ADGRB2: variants seen among roughly 807,000 people sequenced by gnomAD.
The protein encoded by ADGRB2 is adhesion G protein-coupled receptor B2, also known as brain-specific angiogenesis inhibitor 2.
In ADGRB2, 47 loss-of-function variants were observed where a neutral mutation model predicts 178.7. The observed-to-expected ratio is 0.26, with a 90% CI of 0.21 to 0.34. The LOEUF is 0.34. ADGRB2 is among the 10% of genes least tolerant of loss of function. ADGRB2 has a pLI of 1.00. For missense variants in ADGRB2, 1,584 were observed against 2,180.8 expected (o/e 0.73, Z 5.45); for synonymous variants, 870 against 912.4 (o/e 0.95, Z 0.84).
chr1:31,751,540 A>T (rs1375796080), intron 4 of ADGRB2, among the ~76,000 whole-genome samples: 1 of 152,208 alleles, frequency 6.6e-6, no homozygotes. Context: ...ATGTGTGCTA[A>T]TTCCTCTCTC....
chr1:31,728,188 C>T lies in ADGRB2; in HGVS notation c.4509G>A (p.Thr1503=), dbSNP rs1029873694. 30 of 1,614,030 alleles carry T rather than the reference C, an allele frequency of 1.9e-5. No homozygotes were observed. Among genetic ancestry groups the T allele is most frequent in the Non-Finnish European group, 2.5e-5 (29 of 1,180,018 alleles). ...HTFDRYRSQS[T]AKREKRWSVS... ...CCACGGGAGGAGCCCTCACCTTGGC[C>T]GTGGACTGGCTGCGGTAGCGGTCGA... Residue 1503 remains threonine, a synonymous_variant, in exon 31 of 33, where the codon ACG becomes ACA. Coordinates refer to ENST00000373658, the MANE Select transcript of ADGRB2 (RefSeq NM_001364857.2). The surrounding 1 kb of genome is among the most constrained non-coding windows in gnomAD (Gnocchi z 6.7).
intron 1 of ADGRB2, among the ~76,000 whole-genome samples, chr1:31,760,210 G>C (rs1339987715): frequency 6.6e-6 from 1 of 152,186 alleles, no homozygotes; most frequent in Non-Finnish European, 1.5e-5. Flanking sequence ...TCCTGGGCCA[G>C]AGGTGGCTGA....
intron 4 of ADGRB2, among the ~76,000 whole-genome samples, chr1:31,752,058 G>C (rs1368962120): frequency 6.6e-6 from 1 of 152,136 alleles, no homozygotes; most frequent in Non-Finnish European, 1.5e-5. Flanking sequence ...GCTAGTCAGT[G>C]GTAAGGTCCA....
At position 31,764,065 on chromosome 1, in the gene ADGRB2, CG is replaced by C. The variant is rs1647130852; in HGVS notation, c.-373del. On this transcript the variant is annotated 5_prime_UTR_variant, in exon 1 of 33. Transcript: ENST00000373658. This position sits in a 1 kb window ranked among gnomAD's most constrained non-coding sequence, Gnocchi z 7.3. ...GCAGAAAAGGCGCCGCGGAGCAGCG[CG>C]GGGCGGGCGGGCGGGCGGCGCCGGG... 3.6e-5 allele frequency: 3 copies of C among 83,072 alleles called. No individual in the cohort carries two copies. Among genetic ancestry groups the C allele is most frequent in the Non-Finnish European group, 4.5e-5 (2 of 44,204 alleles). 5.1% of individuals were successfully genotyped at this position (83,072 alleles called of 1,614,324 possible).
chr1:31,733,199 T>C lies in ADGRB2; in HGVS notation c.3453-56A>G. On this transcript the variant is annotated intron_variant, in intron 25 of 32. Coordinates refer to ENST00000373658, the MANE Select transcript of ADGRB2 (RefSeq NM_001364857.2). The surrounding 1 kb of genome is among the most constrained non-coding windows in gnomAD (Gnocchi z 4.3). ...TGACACTCCGGGGGACAGGATGGCT[T>C]GAGCCTAGGCCTCCACTCAGCTGGA... 6.5e-7 allele frequency: 1 copy of C among 1,529,476 alleles called. No individual in the cohort carries two copies. Among genetic ancestry groups the C allele is most frequent in the Non-Finnish European group, 8.8e-7 (1 of 1,134,448 alleles). The allele number at this position is 1,529,476 out of a possible 1,614,324, so 94.7% of individuals were successfully genotyped here.
chr1:31,745,769 A>T (rs1263816267), intron 4 of ADGRB2, among the ~76,000 whole-genome samples: 1 of 152,286 alleles, frequency 6.6e-6, no homozygotes, highest in African/African-American at 2.4e-5. Flanking sequence ...AGGCACGCTG[A>T]GTGTGAAGGG....
chr1:31,739,115 G>A (rs1238211269), intron 15 of ADGRB2, 178 bp from the exon 16 acceptor site: 1 of 845,658 alleles, frequency 1.2e-6, no homozygotes, highest in East Asian at 2.7e-5. Flanking sequence ...CTCACCCGCT[G>A]GGTGGCAGCC....
Position 31,741,406 on chromosome 1 carries a change from G to A in ADGRB2, c.1761C>T (p.Cys587=), listed in dbSNP as rs1008314480. The change falls in exon 11 of 33, where the codon TGC becomes TGT. Residue 587 remains cysteine (C), a synonymous_variant. Transcript: ENST00000373658. This position sits in a 1 kb window ranked among gnomAD's most constrained non-coding sequence, Gnocchi z 6.5. The stretch of plus-strand genomic sequence containing the variant: ...ACAGGTAGCGGTACTCATGGGAGAT[G>A]CAGCGAGCAAAGCTGGGCAGCCCCC... ...AYWGLPSFAR[C]ISHEYRYLYL... is the part of the protein sequence containing the mutation. 6.2e-7 allele frequency: 1 copy of A among 1,607,098 alleles called. No homozygotes were observed. The highest frequency in any genetic ancestry group is 2.2e-5 in the East Asian group (1 of 44,652).
In ADGRB2 at chr1:31,740,533, C is replaced by T. The variant is rs759020013; in HGVS notation, c.1803G>A (p.Glu601=). 3.1e-5 allele frequency: 49 copies of T among 1,603,114 alleles called. No individual in the cohort carries two copies. In the Admixed American group the frequency reaches 8.3e-4, roughly 27 times the overall value. ...GCATGCGCTGCCCCTTGGCCAGGTGCTCCCTAAGCTGTAGGTGATGAGGGG... is the reference window on the plus strand; with the variant it reads ...GCATGCGCTGCCCCTTGGCCAGGTGTTCCCTAAGCTGTAGGTGATGAGGGG... The part of the protein sequence containing the change: ...EYRYLYLSLR[E]HLAKGQRMLA... The change falls in exon 12 of 33, where the codon GAG becomes GAA. Residue 601 remains glutamate, a synonymous_variant. Transcript: ENST00000373658. The surrounding 1 kb of genome is among the most constrained non-coding windows in gnomAD (Gnocchi z 5.9).
chr1:31,734,074 C>T (rs2148904369), intron 25 of ADGRB2, among the ~76,000 whole-genome samples: 1 of 152,288 alleles, frequency 6.6e-6, no homozygotes, highest in Middle Eastern at 3.4e-3. Flanking sequence ...GGGCCAAGAC[C>T]TGCCCTAGGA....
rs927379350 is a variant in ADGRB2, at chr1:31,757,133, T to C, written c.21+68A>G. On this transcript the variant is annotated intron_variant, in intron 3 of 32. Coordinates refer to ENST00000373658, the MANE Select transcript of ADGRB2 (RefSeq NM_001364857.2). ...AGTAGTTGTTGTTGCCATCGTTCTG[T>C]TTCCTCAGAGTCAGCCCATCAACTA... is the stretch of plus-strand genomic sequence containing the variant. The C allele has an allele frequency of 8.1e-6, 13 of 1,612,484 alleles. No homozygotes were observed. The South Asian group carries it at 9.9e-5, about 12-fold the overall frequency.
At position 31,740,212 on chromosome 1, in the gene ADGRB2, AG is replaced by A; in HGVS notation, c.1990-35del. 1 of 1,613,290 alleles carries A rather than the reference AG, an allele frequency of 6.2e-7. No homozygotes were observed. Among genetic ancestry groups the A allele is most frequent in the Non-Finnish European group, 8.5e-7 (1 of 1,179,566 alleles). On this transcript the variant is annotated intron_variant, in intron 12 of 32. Coordinates refer to ENST00000373658, the MANE Select transcript of ADGRB2 (RefSeq NM_001364857.2). The surrounding 1 kb of genome is among the most constrained non-coding windows in gnomAD (Gnocchi z 5.9). The stretch of plus-strand genomic sequence containing the variant: ...AGAGCAATGAGTGGCAGGGGGTCCT[AG>A]CCCCAGGGAACAGGGGGCTTCCCCC...
At position 31,756,928 on chromosome 1, in the gene ADGRB2, G is replaced by T; in HGVS notation, c.22-113C>A. The T allele has an allele frequency of 1.7e-6, 2 of 1,186,936 alleles. No individual in the cohort carries two copies. Among genetic ancestry groups the T allele is most frequent in the Non-Finnish European group, 2.3e-6 (2 of 861,428 alleles). The allele number at this position is 1,186,936 out of a possible 1,614,324, so 73.5% of individuals were successfully genotyped here. A position where few individuals can be genotyped will look rare whatever the true frequency, so the allele number is the denominator to read the frequency against. ...ATAAGTTAAGACCCTGGTCTTTGAAGTGTCACCTGGGTCCACCTGTGTGAA... is the reference window on the plus strand; with the variant it reads ...ATAAGTTAAGACCCTGGTCTTTGAATTGTCACCTGGGTCCACCTGTGTGAA... On this transcript the variant is annotated intron_variant, in intron 3 of 32. Transcript: ENST00000373658. This position sits in a 1 kb window ranked among gnomAD's most constrained non-coding sequence, Gnocchi z 8.5.
rs570323772 is a variant in ADGRB2 at position 31,735,464 on chromosome 1, A to T, written c.3353+116T>A. The T allele has an allele frequency of 3.6e-6, 5 of 1,390,080 alleles. No homozygotes were observed. In the East Asian group the frequency reaches 7.4e-5, roughly 21 times the overall value. The allele number at this position is 1,390,080 out of a possible 1,614,324, so 86.1% of individuals were successfully genotyped here. ...CCCACCTTGCCTGCAACCTTGATGCACCAAGGTTGGGGAGCCCCGGTCGCA... is the reference window on the plus strand; with the variant it reads ...CCCACCTTGCCTGCAACCTTGATGCTCCAAGGTTGGGGAGCCCCGGTCGCA... On this transcript the variant is annotated intron_variant, in intron 24 of 32. Coordinates refer to ENST00000373658, the MANE Select transcript of ADGRB2 (RefSeq NM_001364857.2). This position sits in a 1 kb window ranked among gnomAD's most constrained non-coding sequence, Gnocchi z 6.0.
chr1:31,736,334 C>A lies in ADGRB2; in HGVS notation c.3187G>T (p.Gly1063Cys). The change falls in exon 22 of 33, where the codon GGT (glycine) becomes TGT (cysteine). Residue 1063 changes from glycine (G) to cysteine (C), a missense_variant. By Grantham distance (159) the Gly-to-Cys change is radical. Transcript: ENST00000373658. ...SVGFTRTKGY[G>C]TSSYCWLSLE... ...AGGCCCACGTACTAGCTGGATGTAC[C>A]GTATCCTTTCGTTCGGGTAAAGCCA... The A allele has an allele frequency of 6.2e-7, 1 of 1,614,030 alleles. No homozygotes were observed. The highest frequency in any genetic ancestry group is 8.5e-7 in the Non-Finnish European group (1 of 1,179,982).
intron 25 of ADGRB2, among the ~76,000 whole-genome samples, chr1:31,734,298 T>G (rs1230680178): frequency 6.6e-6 from 1 of 152,240 alleles, no homozygotes; most frequent in Admixed American, 6.5e-5. Context: ...CATGGGATTA[T>G]TATCCCAATT....
Position 31,741,768 on chromosome 1 carries a change from G to A in ADGRB2, c.1585+32C>T. ...AGGTTCAGCTGGGTCCACACATGGG[G>A]CCCCCAGCCCCCAGGGTCATTAGGG... On this transcript the variant is annotated intron_variant, in intron 9 of 32. Transcript: ENST00000373658. This position sits in a 1 kb window ranked among gnomAD's most constrained non-coding sequence, Gnocchi z 6.5. 1.3e-6 allele frequency: 2 copies of A among 1,597,876 alleles called. No individual in the cohort carries two copies. Among genetic ancestry groups the A allele is most frequent in the Non-Finnish European group, 1.7e-6 (2 of 1,168,876 alleles).
At chr1:31,737,085 C>G (rs572195555) in intron 20 of ADGRB2, among the ~76,000 whole-genome samples, 4 of 152,340 alleles carry the variant, frequency 2.6e-5, no homozygotes, top group African/African-American at 9.6e-5. Flanking sequence ...AGGGAAGAGT[C>G]TGCACAGGTC....
Position 31,743,057 on chromosome 1 carries a change from C to T in ADGRB2, c.1088-55G>A, listed in dbSNP as rs1000296809. 9 of 1,346,570 alleles carry T rather than the reference C, an allele frequency of 6.7e-6. No homozygotes were observed. In the African/African-American group the frequency reaches 1.2e-4, roughly 18 times the overall value. The allele number at this position is 1,346,570 out of a possible 1,614,324, so 83.4% of individuals were successfully genotyped here. On this transcript the variant is annotated intron_variant, in intron 6 of 32. Transcript: ENST00000373658. ...GCGGCACCATGGCCCCGCCCACCACCGGCGCCTGCCCATCCGCCCACCAAT... is the reference window on the plus strand; with the variant it reads ...GCGGCACCATGGCCCCGCCCACCACTGGCGCCTGCCCATCCGCCCACCAAT...
Sources: gnomAD v4.1 joint callset for allele counts (sites outside exome capture counted in the v4.1 genomes callset) on GRCh38, gnomAD v4.1.1 for gene constraint, Gnocchi (gnomAD v3.1) non-coding constraint, MANE v1.5 for transcripts, NCBI Gene and HGNC (gene_info 2026-07-23, HGNC 2026-07-21) for gene names.